Variants in PCLO observed in about 807,000 individuals in gnomAD.
PCLO encodes the protein protein piccolo.
In PCLO, 82 loss-of-function variants were observed where a neutral mutation model predicts 427.5. That is an observed-to-expected ratio of 0.19 (90% CI 0.16 to 0.23). The LOEUF is 0.23. PCLO is among the 10% of genes least tolerant of loss of function. PCLO has a pLI of 1.00. For synonymous variants in PCLO, 2,357 were observed against 2,155.4 expected, an observed-to-expected ratio of 1.09 and a Z score of -2.59; for missense variants, 6,239 against 6,115.9, an observed-to-expected ratio of 1.02 and a Z score of -0.67.
intron 1 of PCLO, among the ~76,000 whole-genome samples, chr7:83,157,790 G>GA (rs1241203673): frequency 1.3e-5 from 2 of 151,680 alleles, no homozygotes; most frequent in Non-Finnish European, 2.9e-5. Flanking sequence ...TTTAAATTTT[G>GA]AAAAATGTTT....
intron 3 of PCLO, among the ~76,000 whole-genome samples, chr7:83,001,382 C>G (rs1316516850): frequency 6.6e-6 from 1 of 151,686 alleles, no homozygotes; most frequent in Admixed American, 6.6e-5. Flanking sequence ...CTTGCATAAA[C>G]AGAAAAATCT....
intron 3 of PCLO, among the ~76,000 whole-genome samples, chr7:83,104,336 A>C (rs557879234): frequency 1.3e-5 from 2 of 152,162 alleles, no homozygotes; most frequent in South Asian, 4.1e-4. Context: ...GGAATAAGCA[A>C]AGTGATTTTT....
At chr7:83,113,400 T>G (rs1482284241) in intron 3 of PCLO, among the ~76,000 whole-genome samples, 1 of 152,224 alleles carries the variant, frequency 6.6e-6, no homozygotes, top group Non-Finnish European at 1.5e-5. Flanking sequence ...TGTAGATGTA[T>G]TCTACCTTAT....
chr7:82,807,959 A>G (rs1791488244), intron 20 of PCLO, among the ~76,000 whole-genome samples: 1 of 152,018 alleles, frequency 6.6e-6, no homozygotes, highest in Non-Finnish European at 1.5e-5. Flanking sequence ...TGGTGTAGTT[A>G]GTGTTAAAAA....
chr7:82,861,142 C>T lies in PCLO; in HGVS notation c.13655-13895G>A, dbSNP rs114995706. 2.9e-3 allele frequency among the ~76,000 whole-genome samples: 441 copies of T among 152,002 alleles called. 3 individuals carry two copies. The highest frequency in any genetic ancestry group is 9.7e-3 in the African/African-American group (401 of 41,502). On this transcript the variant is annotated intron_variant, in intron 10 of 24. Transcript: ENST00000333891. ...TTGAATGTAAATGGACTAAACACTT[C>T]GATCAAAAGATATAGAGTGGCTGAA...
chr7:83,137,283 C>A (rs1257650217), intron 2 of PCLO, among the ~76,000 whole-genome samples: 3 of 152,204 alleles, frequency 2.0e-5, no homozygotes, highest in African/African-American at 7.2e-5. Flanking sequence ...TTTGCACTCT[C>A]ACGGAAAGTA....
intron 10 of PCLO, among the ~76,000 whole-genome samples, chr7:82,870,821 T>C (rs1793216513): frequency 6.6e-6 from 1 of 152,002 alleles, no homozygotes; most frequent in African/African-American, 2.4e-5. Flanking sequence ...GACATACAAA[T>C]GGCCAACAGA....
chr7:83,116,385 A>G (rs1791132388), intron 3 of PCLO, among the ~76,000 whole-genome samples: 1 of 152,156 alleles, frequency 6.6e-6, no homozygotes, highest in African/African-American at 2.4e-5. Context: ...TTTCTGCTAG[A>G]GATGTTCTTA....
intron 6 of PCLO, among the ~76,000 whole-genome samples, chr7:82,949,256 T>C (rs931404404): frequency 1.3e-5 from 2 of 149,702 alleles, no homozygotes; most frequent in Non-Finnish European, 3.0e-5. Context: ...TATGGTTTCC[T>C]ACACACACAC....
chr7:83,065,990 C>T (rs1461985879), intron 3 of PCLO, among the ~76,000 whole-genome samples: 1 of 152,060 alleles, frequency 6.6e-6, no homozygotes, highest in African/African-American at 2.4e-5. Flanking sequence ...ATTCTGCCTG[C>T]TGTATTCATC....
intron 3 of PCLO, among the ~76,000 whole-genome samples, chr7:83,094,210 C>CTGTTTTTTTTTTTTTTTTTTT: frequency 7.9e-6 from 1 of 126,020 alleles, no homozygotes; most frequent in Non-Finnish European, 1.6e-5. Context: ...ATTTTTTTTT[C>CTGTTTTTTTTTTTTTTTTTTT]TTTTTTTTTT....
intron 16 of PCLO, among the ~76,000 whole-genome samples, 186 bp downstream of exon 16, chr7:82,835,481 T>C (rs1449227312): frequency 6.6e-6 from 1 of 152,188 alleles, no homozygotes; most frequent in African/African-American, 2.4e-5. Context: ...ATTGCACACA[T>C]CTGCTAAAGC....
Position 83,134,970 on chromosome 7 carries a change from G to T in PCLO, c.2580C>A (p.Thr860=). ...TGGCATCTGGTTTAGGACTCATTTTGGTTTGTGCTTTCTTGGGTTCTTCCT... is the reference window on the plus strand; with the variant it reads ...TGGCATCTGGTTTAGGACTCATTTTTGTTTGTGCTTTCTTGGGTTCTTCCT... The part of the protein sequence containing the change: ...QKKEEPKKAQ[T]KMSPKPDAKP... Residue 860 remains threonine, a synonymous_variant, in exon 3 of 25, where the codon ACC becomes ACA. Transcript: ENST00000333891. 6.2e-7 allele frequency: 1 copy of T among 1,612,674 alleles called. No homozygotes were observed. Among genetic ancestry groups the T allele is most frequent in the South Asian group, 1.1e-5 (1 of 90,938 alleles).
intron 3 of PCLO, among the ~76,000 whole-genome samples, chr7:83,002,232 T>A (rs890571737): frequency 1.3e-5 from 2 of 151,990 alleles, no homozygotes; most frequent in Non-Finnish European, 2.9e-5. Flanking sequence ...TCATTTATAT[T>A]TTCCATCCTT....
At chr7:82,795,200 A>G (rs1791200292) in intron 22 of PCLO, among the ~76,000 whole-genome samples, 2 of 152,140 alleles carry the variant, frequency 1.3e-5, no homozygotes, top group Non-Finnish European at 2.9e-5. Context: ...TATTTGATAA[A>G]CCAACTTTTT....
intron 3 of PCLO, among the ~76,000 whole-genome samples, chr7:82,978,950 AG>A (rs1238057801): frequency 6.6e-6 from 1 of 152,020 alleles, no homozygotes; most frequent in African/African-American, 2.4e-5. Flanking sequence ...GTAAAAAGCT[AG>A]GTGGAGAATG....
At chr7:82,998,335 G>A (rs528536490) in intron 3 of PCLO, among the ~76,000 whole-genome samples, 66 of 151,816 alleles carry the variant, frequency 4.3e-4, no homozygotes, top group African/African-American at 1.6e-3. Context: ...AGGAAAAGGT[G>A]CCAGGCTGAA....
At chr7:83,074,326 C>T (rs1213629720) in intron 3 of PCLO, among the ~76,000 whole-genome samples, 6 of 151,994 alleles carry the variant, frequency 3.9e-5, no homozygotes, top group African/African-American at 1.4e-4. Context: ...AAAAACTGAT[C>T]CTCTAGACAC....
At chr7:82,817,586 C>T (rs1791703457) in intron 20 of PCLO, among the ~76,000 whole-genome samples, 1 of 152,082 alleles carries the variant, frequency 6.6e-6, no homozygotes, top group Non-Finnish European at 1.5e-5. Flanking sequence ...AGAGTGATGG[C>T]TTAGTAAGAG....
Sources: allele counts gnomAD v4.1 joint callset (sites outside exome capture counted in the v4.1 genomes callset), GRCh38; gene constraint gnomAD v4.1.1; transcripts MANE v1.5; gene names NCBI Gene and HGNC (gene_info 2026-07-23, HGNC 2026-07-21).